LRRC7: variants seen among roughly 807,000 people sequenced by gnomAD.
LRRC7 encodes leucine rich repeat containing 7, also known as leucine-rich repeat-containing protein 7.
Under a neutral mutation model 175.7 loss-of-function variants are expected in LRRC7, and 23 were observed. That is an observed-to-expected ratio of 0.13 (90% CI 0.09 to 0.19). The LOEUF (loss-of-function observed/expected upper bound fraction) is 0.19. LRRC7 is among the 10% of genes least tolerant of loss of function. LRRC7 has a pLI of 1.00. For synonymous variants in LRRC7, 685 were observed against 680.9 expected, an observed-to-expected ratio of 1.01 and a Z score of -0.09; for missense variants, 1,354 against 1,904.7, an observed-to-expected ratio of 0.71 and a Z score of 5.38.
At chr1:69,953,755 T>C (rs1557926735) in intron 8 of LRRC7, among the ~76,000 whole-genome samples, 1 of 152,054 alleles carries the variant, frequency 6.6e-6, no homozygotes, top group East Asian at 1.9e-4. Flanking sequence ...GACTCCTGTG[T>C]CCACACAGTG....
chr1:70,057,832 C>T (rs1661269958), intron 23 of LRRC7, among the ~76,000 whole-genome samples: 1 of 152,040 alleles, frequency 6.6e-6, no homozygotes, highest in African/African-American at 2.4e-5. Context: ...AGTAATTGGA[C>T]AAGAAGTGTT....
rs1354587496 is a variant in LRRC7, at chr1:70,140,365, A to T, written c.*18478A>T. 1 of 152,138 alleles carries T rather than the reference A, an allele frequency of 6.6e-6. No individual in the cohort carries two copies. The highest frequency in any genetic ancestry group is 2.4e-5 in the African/African-American group (1 of 41,436). 9.4% of individuals were successfully genotyped at this position (152,138 alleles called of 1,614,324 possible). Reference sequence around the variant, plus strand: ...ACACCTCAGCCCCCTAGGACCAGCTACTGGTAAGTCATTTTGTCCATTTTC... The same window carrying T: ...ACACCTCAGCCCCCTAGGACCAGCTTCTGGTAAGTCATTTTGTCCATTTTC... On this transcript the variant is annotated 3_prime_UTR_variant, in exon 27 of 27. Coordinates refer to ENST00000651989, the MANE Select transcript of LRRC7 (RefSeq NM_001370785.2).
rs1297198894 is a variant in LRRC7, at chr1:70,139,887, T to G, written c.*18000T>G. 6.6e-6 allele frequency: 1 copy of G among 152,176 alleles called. No homozygotes were observed. Among genetic ancestry groups the G allele is most frequent in the Non-Finnish European group, 1.5e-5 (1 of 68,008 alleles). 9.4% of individuals were successfully genotyped at this position (152,176 alleles called of 1,614,324 possible). A position where few individuals can be genotyped will look rare whatever the true frequency, so the allele number is the denominator to read the frequency against. ...CTACAGTCTGGTTTGATCAGTTTAT[T>G]ATTAAGTACTGAATGACAGAGAAGG... On this transcript the variant is annotated 3_prime_UTR_variant, in exon 27 of 27. Coordinates refer to ENST00000651989, the MANE Select transcript of LRRC7 (RefSeq NM_001370785.2).
intron 7 of LRRC7, among the ~76,000 whole-genome samples, chr1:69,870,823 C>A (rs1685456766): frequency 6.6e-6 from 1 of 152,096 alleles, no homozygotes; most frequent in Admixed American, 6.6e-5. Flanking sequence ...GATAATTATG[C>A]TTCCATTTTT....
chr1:69,801,894 C>T (rs139667733), intron 4 of LRRC7, among the ~76,000 whole-genome samples: 1,523 of 149,448 alleles, frequency 0.01, 18 homozygotes, highest in African/African-American at 0.026. Context: ...TACTGTATTC[C>T]GTAAGTTTTG....
At chr1:69,785,212 A>G (rs1227101925) in intron 3 of LRRC7, among the ~76,000 whole-genome samples, 1 of 152,126 alleles carries the variant, frequency 6.6e-6, no homozygotes, top group Admixed American at 6.6e-5. Flanking sequence ...TCCTTTAAAT[A>G]TATTAATGTT....
chr1:69,763,053 T>C (rs1671211345), intron 3 of LRRC7, among the ~76,000 whole-genome samples: 1 of 151,958 alleles, frequency 6.6e-6, no homozygotes, highest in African/African-American at 2.4e-5. Flanking sequence ...AAACAGTACA[T>C]AGATGTATTT....
intron 23 of LRRC7, among the ~76,000 whole-genome samples, chr1:70,072,942 G>A (rs1444141377): frequency 7.2e-5 from 11 of 152,150 alleles, no homozygotes; most frequent in African/African-American, 2.2e-4. Context: ...GAGGGTGGGT[G>A]TCAATTTGCG....
At chr1:69,824,665 A>G (rs1413768609) in intron 4 of LRRC7, among the ~76,000 whole-genome samples, 1 of 152,160 alleles carries the variant, frequency 6.6e-6, no homozygotes, top group Admixed American at 6.6e-5. Context: ...AGTCCTGTGG[A>G]CATGGTATTC....
At chr1:70,096,330 A>G (rs954843498) in intron 25 of LRRC7, among the ~76,000 whole-genome samples, 2 of 152,308 alleles carry the variant, frequency 1.3e-5, no homozygotes, top group Admixed American at 6.5e-5. Context: ...ATAGTTTTAC[A>G]TAGTCTAAGT....
chr1:69,866,263 A>G (rs1012230302), intron 7 of LRRC7, among the ~76,000 whole-genome samples: 2 of 152,218 alleles, frequency 1.3e-5, no homozygotes, highest in Non-Finnish European at 2.9e-5. Context: ...TCCTTACTTT[A>G]TCTCCACTAA....
At chr1:69,866,279 A>G (rs1684939996) in intron 7 of LRRC7, among the ~76,000 whole-genome samples, 1 of 152,200 alleles carries the variant, frequency 6.6e-6, no homozygotes, top group Admixed American at 6.5e-5. Flanking sequence ...ACTAAGGCTA[A>G]GAGCTCTTTA....
chr1:69,833,000 G>C (rs1320264458), intron 5 of LRRC7, among the ~76,000 whole-genome samples: 1 of 151,988 alleles, frequency 6.6e-6, no homozygotes, highest in African/African-American at 2.4e-5. Context: ...ATCTACTCAG[G>C]AGGCTGGAGC....
chr1:69,916,201 TAAAA>T (rs376371100), intron 7 of LRRC7, among the ~76,000 whole-genome samples: 15 of 128,966 alleles, frequency 1.2e-4, no homozygotes, highest in African/African-American at 2.3e-4. Context: ...ATTTTATATA[TAAAA>T]ATAAAATTTT....
chr1:69,686,149 A>T (rs1297980994), intron 2 of LRRC7, among the ~76,000 whole-genome samples: 1 of 152,150 alleles, frequency 6.6e-6, no homozygotes, highest in Non-Finnish European at 1.5e-5. Context: ...TCCTATATCC[A>T]ACTAAACCAT....
intron 2 of LRRC7, among the ~76,000 whole-genome samples, chr1:69,701,249 G>A (rs1404415678): frequency 1.3e-5 from 2 of 152,086 alleles, no homozygotes; most frequent in Non-Finnish European, 2.9e-5. Flanking sequence ...CATTTCAGAT[G>A]TTACAGGCTC....
intron 1 of LRRC7, among the ~76,000 whole-genome samples, chr1:69,659,356 A>AT (rs1417690919): frequency 2.0e-5 from 3 of 152,014 alleles, no homozygotes; most frequent in Admixed American, 6.6e-5. Flanking sequence ...GGAAAAAAAA[A>AT]ATATTCAAAG....
At chr1:69,583,513 T>C (rs1278659745) in intron 1 of LRRC7, among the ~76,000 whole-genome samples, 1 of 152,112 alleles carries the variant, frequency 6.6e-6, no homozygotes, top group African/African-American at 2.4e-5. Context: ...TTTTATCCAG[T>C]AAAATATTAC....
intron 2 of LRRC7, among the ~76,000 whole-genome samples, chr1:69,745,695 A>G (rs1669178420): frequency 6.6e-6 from 1 of 151,838 alleles, no homozygotes; most frequent in African/African-American, 2.4e-5. Context: ...AAAACAATGT[A>G]TTAATTCTTA....
Sources: gnomAD v4.1 joint callset for allele counts (sites outside exome capture counted in the v4.1 genomes callset) on GRCh38, gnomAD v4.1.1 for gene constraint, MANE v1.5 for transcripts, NCBI Gene and HGNC (gene_info 2026-07-23, HGNC 2026-07-21) for gene names.